ARHGAP42: variants seen among roughly 807,000 people sequenced by gnomAD.
The protein encoded by ARHGAP42 is Rho GTPase activating protein 42.
ARHGAP42 carries 63 observed loss-of-function variants against 125.0 expected under a neutral mutation model. The observed-to-expected ratio is 0.50, with a 90% CI of 0.41 to 0.62. The LOEUF is 0.62. Ranked by LOEUF, ARHGAP42 falls within the 20% of genes least tolerant of loss-of-function variation. ARHGAP42 has a pLI of 0.00. For synonymous variants in ARHGAP42, 339 were observed against 351.0 expected (o/e 0.97, Z 0.38); for missense variants, 766 against 1,024.2 (o/e 0.75, Z 3.44).
intron 1 of ARHGAP42, among the ~76,000 whole-genome samples, chr11:100,708,169 A>T (rs564409353): frequency 6.6e-6 from 1 of 152,154 alleles, no homozygotes; most frequent in South Asian, 2.1e-4. Context: ...TAAAATGAAG[A>T]TTAAGTCCCT....
At chr11:100,726,080 TA>T (rs34713091) in intron 1 of ARHGAP42, among the ~76,000 whole-genome samples, 191 of 125,440 alleles carry the variant, frequency 1.5e-3, no homozygotes, top group Admixed American at 1.8e-3. Flanking sequence ...CTTGTCTCTC[TA>T]AAAAAAAAAA....
At chr11:100,958,723 A>G (rs1175294631) in intron 12 of ARHGAP42, among the ~76,000 whole-genome samples, 1 of 151,998 alleles carries the variant, frequency 6.6e-6, no homozygotes, top group Non-Finnish European at 1.5e-5. Flanking sequence ...ACATTTTGAG[A>G]AAATAGGCCT....
rs146141875 is a variant in ARHGAP42, at chr11:100,865,175, T to C, written c.384+5550T>C. ...TGATAATTCTGGTCCCTTTGTTCTG[T>C]CCATAGTAGAGTTTGCTTCTGTCTC... On this transcript the variant is annotated intron_variant, in intron 4 of 23. Coordinates refer to ENST00000298815, the MANE Select transcript of ARHGAP42 (RefSeq NM_152432.4). 4.4e-3 allele frequency among the ~76,000 whole-genome samples: 675 copies of C among 152,312 alleles called. 7 individuals are homozygous for C. The highest frequency in any genetic ancestry group is 0.015 in the African/African-American group (638 of 41,574).
At chr11:100,932,412 T>A (rs1206206900) in intron 6 of ARHGAP42, among the ~76,000 whole-genome samples, 1 of 152,158 alleles carries the variant, frequency 6.6e-6, no homozygotes, top group Non-Finnish European at 1.5e-5. Flanking sequence ...TGAAAATGCT[T>A]AAATTTTTTT....
rs113368959 is a variant in ARHGAP42, at chr11:100,806,837, G to GTTTATTTATTTA, written c.312+11687_312+11698dup. Among the ~76,000 whole-genome samples the GTTTATTTATTTA allele has an allele frequency of 5.1e-3, 756 of 149,444 alleles. 6 individuals are homozygous for GTTTATTTATTTA. Among genetic ancestry groups the GTTTATTTATTTA allele is most frequent in the African/African-American group, 0.017 (706 of 40,444 alleles). Reference sequence around the variant, plus strand: ...AAATTTTTTATTTGTTTGTTTGTTTGTTTATTTATTTATTTATTTATTTAT... The same window carrying GTTTATTTATTTA: ...AAATTTTTTATTTGTTTGTTTGTTTGTTTATTTATTTATTTATTTATTTATTTATTTATTTAT... On this transcript the variant is annotated intron_variant, in intron 3 of 23. Transcript: ENST00000298815.
At chr11:100,957,339 G>T (rs1161655991) in intron 12 of ARHGAP42, among the ~76,000 whole-genome samples, 1 of 151,998 alleles carries the variant, frequency 6.6e-6, no homozygotes, top group Non-Finnish European at 1.5e-5. Context: ...AATTCGTCTT[G>T]TTCCATTGTT....
At chr11:100,896,083 A>G (rs1866351042) in intron 4 of ARHGAP42, among the ~76,000 whole-genome samples, 1 of 152,118 alleles carries the variant, frequency 6.6e-6, no homozygotes, top group Non-Finnish European at 1.5e-5. Flanking sequence ...ATGAGTGAGA[A>G]CATGCGGTGT....
intron 1 of ARHGAP42, among the ~76,000 whole-genome samples, chr11:100,732,566 A>G (rs974258908): frequency 6.6e-6 from 1 of 152,200 alleles, no homozygotes; most frequent in Non-Finnish European, 1.5e-5. Flanking sequence ...ATCTTCAAGC[A>G]TATCAACTGA....
intron 1 of ARHGAP42, among the ~76,000 whole-genome samples, chr11:100,705,120 G>T (rs1255135543): frequency 6.6e-6 from 1 of 151,016 alleles, no homozygotes; most frequent in Non-Finnish European, 1.5e-5. Flanking sequence ...ATTGTGCTTT[G>T]TACTTCTGTC....
intron 3 of ARHGAP42, among the ~76,000 whole-genome samples, chr11:100,819,320 T>C (rs1864350897): frequency 6.6e-6 from 1 of 152,020 alleles, no homozygotes; most frequent in Non-Finnish European, 1.5e-5. Context: ...CTAGTGGAGA[T>C]GGAGAGAAGG....
At chr11:100,770,706 T>G (rs1260767459) in intron 2 of ARHGAP42, among the ~76,000 whole-genome samples, 1 of 152,136 alleles carries the variant, frequency 6.6e-6, no homozygotes, top group East Asian at 1.9e-4. Context: ...GCCTCCTGAG[T>G]AGCTGGGATT....
chr11:100,790,077 A>G (rs1863530042), intron 2 of ARHGAP42, among the ~76,000 whole-genome samples: 1 of 152,230 alleles, frequency 6.6e-6, no homozygotes, highest in Admixed American at 6.5e-5. Context: ...AACAATGAAC[A>G]CAGCAATTTT....
chr11:100,705,032 AAGAG>A (rs535734044), intron 1 of ARHGAP42, among the ~76,000 whole-genome samples: 5 of 141,126 alleles, frequency 3.5e-5, no homozygotes, highest in Admixed American at 7.2e-5. Flanking sequence ...AAAAAAAAAA[AAGAG>A]AGAAGAAAAG....
At chr11:100,891,257 T>A (rs1285240810) in intron 4 of ARHGAP42, among the ~76,000 whole-genome samples, 1 of 152,148 alleles carries the variant, frequency 6.6e-6, no homozygotes, top group South Asian at 2.1e-4. Context: ...CGTAGCAAGC[T>A]CCTAATGTCT....
intron 4 of ARHGAP42, among the ~76,000 whole-genome samples, chr11:100,883,432 T>G (rs936365941): frequency 2.0e-5 from 3 of 152,164 alleles, no homozygotes; most frequent in African/African-American, 7.2e-5. Context: ...ATTCTCTGCC[T>G]CCTGAGTTCA....
chr11:100,758,990 T>A (rs1432754279), intron 1 of ARHGAP42, among the ~76,000 whole-genome samples: 12 of 152,066 alleles, frequency 7.9e-5, no homozygotes, highest in Non-Finnish European at 1.6e-4. Context: ...TTGTGAAAAA[T>A]TTTAGTGTTT....
chr11:100,743,471 TG>T (rs1702810832), intron 1 of ARHGAP42, among the ~76,000 whole-genome samples: 1 of 152,108 alleles, frequency 6.6e-6, no homozygotes, highest in African/African-American at 2.4e-5. Context: ...GGTTACCGGG[TG>T]CTTTTATCTC....
At chr11:100,826,506 T>C (rs1864517622) in intron 3 of ARHGAP42, among the ~76,000 whole-genome samples, 1 of 152,236 alleles carries the variant, frequency 6.6e-6, no homozygotes, top group Admixed American at 6.5e-5. Flanking sequence ...TTGGGTAATT[T>C]GTGTTCTTCT....
chr11:100,688,129 A>ATT (rs201445134), intron 1 of ARHGAP42, among the ~76,000 whole-genome samples: 96 of 148,330 alleles, frequency 6.5e-4, no homozygotes, highest in South Asian at 1.3e-3. Context: ...GGGGACTTTA[A>ATT]TTTTTTTTTT....
Sources: allele counts gnomAD v4.1 joint callset (sites outside exome capture counted in the v4.1 genomes callset), GRCh38; gene constraint gnomAD v4.1.1; transcripts MANE v1.5; gene names NCBI Gene and HGNC (gene_info 2026-07-23, HGNC 2026-07-21).